The following LANCL1 variants were observed in gnomAD, a reference collection of about 807,000 sequenced individuals.
The protein encoded by LANCL1 is glutathione S-transferase LANCL1.
LANCL1 carries 50 observed loss-of-function variants against 50.6 expected under a neutral mutation model. That is an observed-to-expected ratio of 0.99 (90% CI 0.79 to 1.25). LANCL1 has a LOEUF of 1.25. Among genes scored for constraint, LANCL1 ranks in the 50% most tolerant of loss-of-function variants. LANCL1 has a pLI of 0.00. For synonymous variants in LANCL1, 188 were observed against 178.6 expected (o/e 1.05, Z -0.42); for missense variants, 532 against 480.7 (o/e 1.11, Z -1.00).
At chr2:210,473,097 C>T (rs918286491) in intron 2 of LANCL1, among the ~76,000 whole-genome samples, 8 of 152,204 alleles carry the variant, frequency 5.3e-5, no homozygotes, top group Admixed American at 1.3e-4. Flanking sequence ...CACTGAAGGC[C>T]GGGCACAGTG....
intron 3 of LANCL1, among the ~76,000 whole-genome samples, chr2:210,469,995 AAAT>A (rs1477918256): frequency 6.6e-6 from 1 of 151,526 alleles, no homozygotes; most frequent in East Asian, 1.9e-4. Context: ...AGGAATAACA[AAAT>A]AATAGAAACT....
intron 4 of LANCL1, among the ~76,000 whole-genome samples, chr2:210,447,793 CAAG>C (rs1166497236): frequency 6.6e-6 from 1 of 152,114 alleles, no homozygotes; most frequent in African/African-American, 2.4e-5. Context: ...ATCAATGCAA[CAAG>C]AAGAGCTGAA....
chr2:210,449,187 G>T (rs1693437009), intron 4 of LANCL1, among the ~76,000 whole-genome samples: 1 of 152,136 alleles, frequency 6.6e-6, no homozygotes, highest in Admixed American at 6.5e-5. Context: ...GGGATGCAAG[G>T]CTGGTTCAAC....
intron 4 of LANCL1, among the ~76,000 whole-genome samples, chr2:210,454,414 C>T (rs1693603998): frequency 6.6e-6 from 1 of 152,024 alleles, no homozygotes; most frequent in African/African-American, 2.4e-5. Context: ...GATGGTAATG[C>T]CATCCTAACA....
chr2:210,438,654 A>G (rs1261288962), intron 6 of LANCL1, among the ~76,000 whole-genome samples: 2 of 152,196 alleles, frequency 1.3e-5, no homozygotes, highest in African/African-American at 4.8e-5. Flanking sequence ...TAGAAAAAGG[A>G]TACTAACAAG....
chr2:210,468,075 C>T (rs372971836), intron 3 of LANCL1: 55 of 152,056 alleles, frequency 3.6e-4, no homozygotes, highest in Non-Finnish European at 5.6e-4. Flanking sequence ...TAGAATCAAT[C>T]GCTAGTCCCT....
At position 210,454,708 on chromosome 2, in the gene LANCL1, A is replaced by G. The variant is rs185156184; in HGVS notation, c.407+399T>C. On this transcript the variant is annotated intron_variant, in intron 4 of 9. Transcript: ENST00000450366. ...TACCAAAATGAAAATCAGGATGTGC[A>G]TGTCATTGCCTCTAAGAAAGGCCGT... Among the ~76,000 whole-genome samples, 18 of 152,324 alleles carry G rather than the reference A, an allele frequency of 1.2e-4. No individual in the cohort carries two copies. In the East Asian group the frequency reaches 3.3e-3, roughly 28 times the overall value.
intron 6 of LANCL1, among the ~76,000 whole-genome samples, 153 bp downstream of exon 6, chr2:210,440,445 T>G (rs926131487): frequency 6.6e-6 from 1 of 152,208 alleles, no homozygotes; most frequent in African/African-American, 2.4e-5. Flanking sequence ...TAAACATTAC[T>G]TTTGTTTGTC....
chr2:210,446,129 C>T (rs1203010651), intron 4 of LANCL1, among the ~76,000 whole-genome samples: 1 of 152,044 alleles, frequency 6.6e-6, no homozygotes, highest in Non-Finnish European at 1.5e-5. Flanking sequence ...AGACTGTCTC[C>T]TCAAGTGAGT....
chr2:210,455,180 C>G lies in LANCL1; in HGVS notation c.334G>C (p.Gly112Arg), dbSNP rs1355402322. The change falls in exon 4 of 10, where the codon GGC becomes CGC. Residue 112 changes from glycine (G) to arginine (R), a missense_variant. By Grantham distance (125) the Gly-to-Arg change is moderately radical (BLOSUM62 -2). Transcript: ENST00000450366. The stretch of plus-strand genomic sequence containing the variant: ...AGCACAGCGGCCACTGCCAGGGGGC[C>G]TGCATCCCCACAAAGGAAGGTGATG... Reference protein sequence around the residue: ...RSITFLCGDAGPLAVAAVLYH... With the variant: ...RSITFLCGDARPLAVAAVLYH... 1 of 1,613,740 alleles carries G rather than the reference C, an allele frequency of 6.2e-7. No homozygotes were observed. The highest frequency in any genetic ancestry group is 2.2e-5 in the East Asian group (1 of 44,872).
chr2:210,466,760 T>C (rs1020314094), intron 3 of LANCL1, among the ~76,000 whole-genome samples: 1 of 152,238 alleles, frequency 6.6e-6, no homozygotes, highest in African/African-American at 2.4e-5. Flanking sequence ...ACAAACCAGA[T>C]AGAGAGAACA....
chr2:210,453,504 CT>C (rs1693570810), intron 4 of LANCL1, among the ~76,000 whole-genome samples: 1 of 152,166 alleles, frequency 6.6e-6, no homozygotes, highest in South Asian at 2.1e-4. Flanking sequence ...AAATTCCCAT[CT>C]GTTTGAATCT....
intron 3 of LANCL1, among the ~76,000 whole-genome samples, chr2:210,458,344 A>G (rs1464276713): frequency 2.0e-5 from 3 of 152,222 alleles, no homozygotes; most frequent in Non-Finnish European, 4.4e-5. Context: ...GGCAGAAGCT[A>G]GATTACACAG....
chr2:210,435,616 T>G (rs1442886063), intron 8 of LANCL1, among the ~76,000 whole-genome samples, 157 bp from the exon 9 acceptor site: 2 of 152,070 alleles, frequency 1.3e-5, no homozygotes, highest in Admixed American at 6.5e-5. Context: ...TTTGAAAGAG[T>G]ACACAGCATG....
chr2:210,440,946 T>C (rs1693110035), intron 5 of LANCL1, among the ~76,000 whole-genome samples: 1 of 152,148 alleles, frequency 6.6e-6, no homozygotes, highest in African/African-American at 2.4e-5. Context: ...GCGTAGAGGA[T>C]CTTGAGCTCT....
At chr2:210,471,428 T>G in intron 3 of LANCL1, 2 of 363,952 alleles carry the variant, frequency 5.5e-6, no homozygotes, top group East Asian at 1.5e-4. Context: ...TCTCAATGAT[T>G]GAGATTGGCA....
chr2:210,476,472 G>A lies in LANCL1; in HGVS notation c.-16-60C>T, dbSNP rs1397888611. 5 of 1,364,250 alleles carry A rather than the reference G, an allele frequency of 3.7e-6. No individual in the cohort carries two copies. In the African/African-American group the frequency reaches 1.3e-4, roughly 36 times the overall value. 84.5% of individuals were successfully genotyped at this position (1,364,250 alleles called of 1,614,324 possible). A position where few individuals can be genotyped will look rare whatever the true frequency, so the allele number is the denominator to read the frequency against. On this transcript the variant is annotated intron_variant, in intron 1 of 9. Transcript: ENST00000450366. The stretch of plus-strand genomic sequence containing the variant: ...GATAGGGGCCTCGGCCGAGTTGCGA[G>A]GGCGGCGGCGGCGCCCAGGTATCCC...
chr2:210,455,250 T>C lies in LANCL1; in HGVS notation c.264A>G (p.Ala88=), dbSNP rs1693633980. Residue 88 remains alanine (A), a synonymous_variant, in exon 4 of 10, where the codon GCA becomes GCG. Coordinates refer to ENST00000450366, the MANE Select transcript of LANCL1 (RefSeq NM_006055.3). ...TCAGACTTTGCTTTACATAGCCATG[T>C]GCTAACTGTAGGTAGGCAGGGTCCC... ...VFGDPAYLQL[A]HGYVKQSLNC... 1 of 1,612,874 alleles carries C rather than the reference T, an allele frequency of 6.2e-7. No homozygotes were observed. The highest frequency in any genetic ancestry group is 1.3e-5 in the African/African-American group (1 of 74,602).
chr2:210,455,808 G>GT (rs1292052898), intron 3 of LANCL1, among the ~76,000 whole-genome samples: 1 of 142,144 alleles, frequency 7.0e-6, no homozygotes, highest in Non-Finnish European at 1.5e-5. Context: ...GTGTGTGTGT[G>GT]TGTTTTTTTT....
Sources: allele counts gnomAD v4.1 joint callset (sites outside exome capture counted in the v4.1 genomes callset), GRCh38; gene constraint gnomAD v4.1.1; transcripts MANE v1.5; gene names NCBI Gene and HGNC (gene_info 2026-07-23, HGNC 2026-07-21).